The following CPNE4 variants were observed in gnomAD, a reference collection of about 807,000 sequenced individuals.
The protein encoded by CPNE4 is copine-4.
In CPNE4, 25 loss-of-function variants were observed where a neutral mutation model predicts 67.9. The ratio of observed to expected loss-of-function variants is 0.37; its 90% CI spans 0.27 to 0.51. The LOEUF is 0.51. CPNE4 is among the 20% of genes least tolerant of loss of function. CPNE4 has a pLI of 0.93. For missense variants in CPNE4, 464 were observed against 690.8 expected, an observed-to-expected ratio of 0.67 and a Z score of 3.68; for synonymous variants, 242 against 244.9, an observed-to-expected ratio of 0.99 and a Z score of 0.11.
intron 3 of CPNE4, among the ~76,000 whole-genome samples, chr3:131,721,344 A>C (rs979566788): frequency 6.2e-5 from 6 of 96,866 alleles, no homozygotes; most frequent in Non-Finnish European, 1.2e-4. Flanking sequence ...GCTTTGGACC[A>C]AAAAAAAAAA....
At chr3:131,957,801 T>A (rs949714632) in intron 1 of CPNE4, among the ~76,000 whole-genome samples, 1 of 152,224 alleles carries the variant, frequency 6.6e-6, no homozygotes, top group Non-Finnish European at 1.5e-5. Context: ...CTACTGCATT[T>A]TCTGTGCCAG....
At chr3:131,996,780 G>A (rs57027909) in intron 1 of CPNE4, among the ~76,000 whole-genome samples, 23,704 of 151,952 alleles carry the variant, frequency 0.16, 3,049 homozygotes, top group African/African-American at 0.36. Flanking sequence ...GTTAGGAGAG[G>A]ATAATGAGGG....
chr3:131,626,977 G>A (rs1379477264), intron 7 of CPNE4, among the ~76,000 whole-genome samples: 2 of 151,990 alleles, frequency 1.3e-5, no homozygotes, highest in Non-Finnish European at 2.9e-5. Flanking sequence ...GGTGGATCAC[G>A]AGGTCAGGAG....
chr3:131,813,762 G>T (rs1033142275), intron 2 of CPNE4, among the ~76,000 whole-genome samples: 1 of 152,078 alleles, frequency 6.6e-6, no homozygotes, highest in African/African-American at 2.4e-5. Context: ...TGAAGCATTG[G>T]GTTCTGGGAA....
chr3:131,934,187 G>A (rs1171434499), intron 1 of CPNE4, among the ~76,000 whole-genome samples: 2 of 152,124 alleles, frequency 1.3e-5, no homozygotes, highest in African/African-American at 4.8e-5. Context: ...AGCTTCAAAA[G>A]TAACTATTTG....
intron 1 of CPNE4, among the ~76,000 whole-genome samples, chr3:131,952,697 A>G (rs1214160209): frequency 6.7e-6 from 1 of 150,088 alleles, no homozygotes; most frequent in Non-Finnish European, 1.5e-5. Context: ...CCTACTGGGA[A>G]GTGAGGAGCC....
intron 7 of CPNE4, among the ~76,000 whole-genome samples, chr3:131,657,766 A>G (rs1412902842): frequency 6.6e-6 from 1 of 150,874 alleles, no homozygotes; most frequent in East Asian, 2.0e-4. Flanking sequence ...GGGTTTCGCC[A>G]TGTTGGCTAG....
intron 2 of CPNE4, among the ~76,000 whole-genome samples, chr3:131,882,836 C>A (rs1419442997): frequency 6.6e-6 from 1 of 151,968 alleles, no homozygotes; most frequent in East Asian, 1.9e-4. Flanking sequence ...CCTGCCTCAG[C>A]CTCCTGAGGA....
At chr3:131,703,622 T>C (rs139504860) in intron 3 of CPNE4, among the ~76,000 whole-genome samples, 38 of 152,350 alleles carry the variant, frequency 2.5e-4, no homozygotes, top group African/African-American at 8.4e-4. Context: ...TTCAACAAGT[T>C]TATATTCAGC....
At chr3:131,581,356 C>G (rs1436296798) in intron 9 of CPNE4, among the ~76,000 whole-genome samples, 4 of 152,350 alleles carry the variant, frequency 2.6e-5, no homozygotes, top group East Asian at 1.9e-4. Context: ...GTCTTTGGGG[C>G]AGGACTGTCC....
intron 4 of CPNE4, among the ~76,000 whole-genome samples, chr3:131,698,001 G>T (rs1242213036): frequency 6.6e-6 from 1 of 151,970 alleles, no homozygotes; most frequent in Non-Finnish European, 1.5e-5. Flanking sequence ...GGGAGGTGAG[G>T]CGGGCGGATC....
In CPNE4 at chr3:131,677,814, A is replaced by G. The variant is rs548873284; in HGVS notation, c.592-8050T>C. ...ATGTGTCTGTTCTTATACCAGTACC[A>G]TGCTGTTTTGGTGACTGTAGCCATG... On this transcript the variant is annotated intron_variant, in intron 6 of 15. Coordinates refer to ENST00000429747, the MANE Select transcript of CPNE4 (RefSeq NM_130808.3). Among the ~76,000 whole-genome samples, 6 of 152,280 alleles carry G rather than the reference A, an allele frequency of 3.9e-5. No homozygotes were observed. The East Asian group carries it at 9.6e-4, about 24-fold the overall frequency.
intron 1 of CPNE4, among the ~76,000 whole-genome samples, chr3:131,958,088 A>G (rs917470802): frequency 1.3e-5 from 2 of 152,214 alleles, no homozygotes; most frequent in Non-Finnish European, 2.9e-5. Context: ...AAGACTAGCT[A>G]AGTCCTGGCA....
intron 9 of CPNE4, among the ~76,000 whole-genome samples, chr3:131,576,233 T>C (rs1452608180): frequency 2.0e-5 from 3 of 152,156 alleles, no homozygotes; most frequent in East Asian, 1.9e-4. Context: ...TTTCTTAGAA[T>C]TGATGTTCAC....
At chr3:131,828,888 A>G (rs921984213) in intron 2 of CPNE4, among the ~76,000 whole-genome samples, 3 of 152,220 alleles carry the variant, frequency 2.0e-5, no homozygotes, top group Non-Finnish European at 2.9e-5. Flanking sequence ...GACAGGTACT[A>G]TTTGAGAGAA....
chr3:131,993,718 A>C (rs1053297076), intron 1 of CPNE4, among the ~76,000 whole-genome samples: 1 of 135,788 alleles, frequency 7.4e-6, no homozygotes, highest in African/African-American at 2.5e-5. Flanking sequence ...AATGCTCTCA[A>C]TTTAAGATAC....
At position 131,828,611 on chromosome 3, in the gene CPNE4, T is replaced by C. The variant is rs1165573431; in HGVS notation, c.180+76653A>G. 2.6e-5 allele frequency among the ~76,000 whole-genome samples: 4 copies of C among 152,316 alleles called. No homozygotes were observed. In the East Asian group the frequency reaches 5.8e-4, roughly 22 times the overall value. ...GCTCTGAACAATGTTGTGTAAGTCA[T>C]TGGGTGGTTATATTTCTTTCTCTTG... On this transcript the variant is annotated intron_variant, in intron 2 of 15. Coordinates refer to ENST00000429747, the MANE Select transcript of CPNE4 (RefSeq NM_130808.3).
intron 1 of CPNE4, among the ~76,000 whole-genome samples, chr3:131,956,047 C>T (rs2613979): frequency 0.54 from 81,723 of 151,754 alleles, 22,825 homozygotes; most frequent in Admixed American, 0.68. Context: ...TACACAAATC[C>T]ATCTTTCACT....
At chr3:131,696,698 T>G in intron 4 of CPNE4, 82 bp from the exon 5 acceptor site, 1 of 1,291,092 alleles carries the variant, frequency 7.7e-7, no homozygotes, top group Non-Finnish European at 1.1e-6. Flanking sequence ...AGTTCCTGTT[T>G]GGTTCAAAAC....
Sources: gnomAD v4.1 joint callset for allele counts (sites outside exome capture counted in the v4.1 genomes callset) on GRCh38, gnomAD v4.1.1 for gene constraint, MANE v1.5 for transcripts, NCBI Gene and HGNC (gene_info 2026-07-23, HGNC 2026-07-21) for gene names.